Variants in ZNF827 observed in about 807,000 individuals in gnomAD.
The protein encoded by ZNF827 is zinc finger protein 827.
A neutral mutation model predicts 102.4 loss-of-function variants in ZNF827; 13 were observed. That is an observed-to-expected ratio of 0.13 (90% CI 0.08 to 0.20). The LOEUF is 0.20. Ranked by LOEUF, ZNF827 falls within the 10% of genes least tolerant of loss-of-function variation. The pLI is 1.00. For missense variants in ZNF827, 1,103 were observed against 1,344.4 expected, an observed-to-expected ratio of 0.82 and a Z score of 2.81; for synonymous variants, 523 against 536.2, an observed-to-expected ratio of 0.98 and a Z score of 0.34.
intron 8 of ZNF827, among the ~76,000 whole-genome samples, chr4:145,807,401 A>G (rs1240060977): frequency 6.6e-6 from 1 of 151,442 alleles, no homozygotes; most frequent in Non-Finnish European, 1.5e-5. Flanking sequence ...GGTAGGGGGA[A>G]ACAAAACTAA....
intron 8 of ZNF827, among the ~76,000 whole-genome samples, chr4:145,795,519 A>G (rs1358492902): frequency 1.3e-5 from 2 of 152,254 alleles, no homozygotes; most frequent in African/African-American, 4.8e-5. Context: ...CTGGGACTAC[A>G]TCTGCAATAA....
chr4:145,775,856 T>C lies in ZNF827; in HGVS notation c.2626A>G (p.Thr876Ala), dbSNP rs746485633. Residue 876 changes from threonine (T) to alanine (A), a missense_variant, in exon 10 of 15, where the codon ACC becomes GCC. Thr to Ala is a moderately conservative substitution (Grantham distance 58). Transcript: ENST00000508784. Reference sequence around the variant, plus strand: ...GTGACGGCGCTGACAATGTCCTCGGTGTCTGTACTCACCAGCTTCACGGAA... The same window carrying C: ...GTGACGGCGCTGACAATGTCCTCGGCGTCTGTACTCACCAGCTTCACGGAA... ...VHSVKLVSTDTEDIVSAVTSE... is the reference protein window; with the variant it reads ...VHSVKLVSTDAEDIVSAVTSE... 3 of 1,614,198 alleles carry C rather than the reference T, an allele frequency of 1.9e-6. No individual in the cohort carries two copies.
chr4:145,902,264 G>A lies in ZNF827; in HGVS notation c.995C>T (p.Pro332Leu). The A allele has an allele frequency of 6.3e-7, 1 of 1,591,358 alleles. No homozygotes were observed. Among genetic ancestry groups the A allele is most frequent in the Non-Finnish European group, 8.5e-7 (1 of 1,170,852 alleles). ...KKPEKVTPPP[P>L]PPPPPPPPPP... The stretch of plus-strand genomic sequence containing the variant: ...TGGTGGAGGTGGTGGAGGTGGCGGT[G>A]GAGGTGGCGGAGTGACTTTTTCTGG... The change falls in exon 2 of 15, where the codon CCA becomes CTA. Residue 332 changes from proline to leucine, a missense_variant. Transcript: ENST00000508784. This position sits in a 1 kb window ranked among gnomAD's most constrained non-coding sequence, Gnocchi z 4.3.
intron 8 of ZNF827, among the ~76,000 whole-genome samples, chr4:145,782,296 G>T (rs1250098683): frequency 1.3e-5 from 2 of 152,214 alleles, no homozygotes; most frequent in African/African-American, 4.8e-5. Flanking sequence ...GCAGTCGGGG[G>T]AGGAGTATTA....
At chr4:145,885,635 A>T in intron 4 of ZNF827, 43 bp downstream of exon 4, 1 of 1,505,102 alleles carries the variant, frequency 6.6e-7, no homozygotes, top group Non-Finnish European at 8.9e-7. Flanking sequence ...AGAGAGAGAG[A>T]GAGAGAGAGA....
intron 8 of ZNF827, among the ~76,000 whole-genome samples, chr4:145,779,868 A>G (rs1737704337): frequency 6.6e-6 from 1 of 152,250 alleles, no homozygotes. Flanking sequence ...AAATTCCAGA[A>G]ATGTAGGCTC....
intron 7 of ZNF827, among the ~76,000 whole-genome samples, chr4:145,826,675 T>C (rs1743713890): frequency 6.6e-6 from 1 of 152,244 alleles, no homozygotes; most frequent in African/African-American, 2.4e-5. Context: ...AACTTTACCA[T>C]ATGTATGCAT....
chr4:145,794,739 A>G (rs1379407667), intron 8 of ZNF827, among the ~76,000 whole-genome samples: 2 of 152,172 alleles, frequency 1.3e-5, no homozygotes, highest in Non-Finnish European at 2.9e-5. Flanking sequence ...CAACACCAGT[A>G]AAGGCCGATG....
chr4:145,938,515 G>C lies in ZNF827; in HGVS notation c.-108C>G, dbSNP rs1346085342. ...AGGAGCGGGGAGGTAGTTGGGGGGC[G>C]GGCGGGCGGGCAGGGGGAAACCCCT... On this transcript the variant is annotated 5_prime_UTR_variant, in exon 1 of 15. Transcript: ENST00000508784. 4.7e-6 allele frequency: 1 copy of C among 212,186 alleles called. No homozygotes were observed. The allele number at this position is 212,186 out of a possible 1,614,324, so 13.1% of individuals were successfully genotyped here. A position where few individuals can be genotyped will look rare whatever the true frequency, so the allele number is the denominator to read the frequency against.
intron 7 of ZNF827, among the ~76,000 whole-genome samples, chr4:145,836,345 CCAAA>C (rs1411505600): frequency 6.6e-6 from 1 of 152,126 alleles, no homozygotes; most frequent in Non-Finnish European, 1.5e-5. Context: ...GCCTTTCTGG[CCAAA>C]CAACTTGACC....
chr4:145,788,853 C>A (rs7688389), intron 8 of ZNF827, among the ~76,000 whole-genome samples: 1 of 152,068 alleles, frequency 6.6e-6, no homozygotes, highest in Non-Finnish European at 1.5e-5. Flanking sequence ...GCCTGAAAAT[C>A]ATGTCTTTTT....
chr4:145,763,958 G>A lies in ZNF827; in HGVS notation c.3231-836C>T, dbSNP rs1347007976. Among the ~76,000 whole-genome samples, 1 of 152,036 alleles carries A rather than the reference G, an allele frequency of 6.6e-6. No homozygotes were observed. Among genetic ancestry groups the A allele is most frequent in the African/African-American group, 2.4e-5 (1 of 41,370 alleles). On this transcript the variant is annotated intron_variant, in intron 13 of 14. Coordinates refer to ENST00000508784, the MANE Select transcript of ZNF827 (RefSeq NM_001306215.2). The surrounding 1 kb of genome is among the most constrained non-coding windows in gnomAD (Gnocchi z 4.6). ...AGTTTTTGAGGAGGCAGGGGCCTGG[G>A]GGGACCCAACCTGCACTGACCCCAA...
chr4:145,874,835 C>G (rs1319294347), intron 4 of ZNF827, among the ~76,000 whole-genome samples: 2 of 152,192 alleles, frequency 1.3e-5, no homozygotes, highest in Non-Finnish European at 2.9e-5. Flanking sequence ...CAAGAGGCCC[C>G]CTCTCTCGCT....
At chr4:145,840,971 G>T (rs1189389572) in intron 7 of ZNF827, among the ~76,000 whole-genome samples, 1 of 152,318 alleles carries the variant, frequency 6.6e-6, no homozygotes, top group East Asian at 1.9e-4. Flanking sequence ...AGCACGATAT[G>T]AGTCTATCTT....
At chr4:145,764,784 C>A in intron 13 of ZNF827, 1 of 647,872 alleles carries the variant, frequency 1.5e-6, no homozygotes, top group South Asian at 1.9e-5. Flanking sequence ...AAAATGGATT[C>A]TCCTACTGAC....
intron 5 of ZNF827, among the ~76,000 whole-genome samples, chr4:145,853,193 T>C (rs1746706645): frequency 6.6e-6 from 1 of 152,218 alleles, no homozygotes; most frequent in South Asian, 2.1e-4. Flanking sequence ...CTGGTTTCTG[T>C]TACATACCTC....
chr4:145,885,650 G>T (rs1219268402), intron 4 of ZNF827, 28 bp downstream of exon 4: 3 of 1,301,404 alleles, frequency 2.3e-6, no homozygotes, highest in South Asian at 3.3e-5. Flanking sequence ...GAGAGAGAGA[G>T]AGAGAGAATA....
chr4:145,870,418 C>G lies in ZNF827; in HGVS notation c.1808G>C (p.Gly603Ala). ...NFKVKEEPKE[G>A]ESLSTTLPRS... ...AGGCAAAGTCGTGCTTAGGGACTCC[C>G]CTTCCTTAGGCTCCTCTTTCACTTT... Residue 603 changes from glycine (G) to alanine (A), a missense_variant, in exon 5 of 15, where the codon GGG (glycine) becomes GCG (alanine). Around this residue, in one of 5 missense-constraint regions of ZNF827, gnomAD observed 243 missense variants for 251.6 expected, o/e 0.97. Coordinates refer to ENST00000508784, the MANE Select transcript of ZNF827 (RefSeq NM_001306215.2). The G allele has an allele frequency of 6.2e-7, 1 of 1,614,146 alleles. No homozygotes were observed.
intron 1 of ZNF827, among the ~76,000 whole-genome samples, chr4:145,908,568 TATACTC>T (rs1194855781): frequency 5.3e-5 from 8 of 152,372 alleles, no homozygotes; most frequent in Middle Eastern, 6.8e-3. Context: ...CATTATCAGT[TATACTC>T]ATAATAAGTG....
Sources: gnomAD v4.1 joint callset for allele counts (sites outside exome capture counted in the v4.1 genomes callset) on GRCh38, gnomAD v4.1.1 for gene constraint, gnomAD v4.1.1 regional missense constraint, Gnocchi (gnomAD v3.1) non-coding constraint, MANE v1.5 for transcripts, NCBI Gene and HGNC (gene_info 2026-07-23, HGNC 2026-07-21) for gene names.